FARP2: variants seen among roughly 807,000 people sequenced by gnomAD.
FARP2 encodes FERM, ARHGEF and pleckstrin domain-containing protein 2.
Under a neutral mutation model 130.5 loss-of-function variants are expected in FARP2, and 111 were observed. That is an observed-to-expected ratio of 0.85 (90% CI 0.73 to 1.00). The LOEUF (loss-of-function observed/expected upper bound fraction) is 1.00. Ranked by LOEUF, FARP2 falls within the 50% of genes least tolerant of loss-of-function variation. The probability of loss-of-function intolerance (pLI) is 0.00; values close to 1 mark genes in which losing one functional copy is unlikely to be tolerated. For synonymous variants in FARP2, 504 were observed against 516.9 expected, an observed-to-expected ratio of 0.98 and a Z score of 0.34; for missense variants, 1,385 against 1,346.3, an observed-to-expected ratio of 1.03 and a Z score of -0.45.
chr2:241,423,634 G>A (rs557449087), intron 8 of FARP2, among the ~76,000 whole-genome samples: 2 of 152,282 alleles, frequency 1.3e-5, no homozygotes, highest in East Asian at 3.9e-4. Context: ...ATGTAAATGG[G>A]CTAAATGCCC....
rs760909003 is a variant in FARP2, at chr2:241,463,898, G to A, written c.1812-1G>A. The stretch of plus-strand genomic sequence containing the variant: ...GGATGACTTTGTTTCTTTTTACTCA[G>A]GGAAGGGCCCTCCAAAGCCCACACA... On this transcript the variant is annotated splice_acceptor_variant, in intron 16 of 26. Transcript: ENST00000264042. LOFTEE classifies it high-confidence loss of function. The A allele has an allele frequency of 6.2e-6, 10 of 1,613,448 alleles. No individual in the cohort carries two copies. The highest frequency in any genetic ancestry group is 1.1e-5 in the South Asian group (1 of 91,020).
At chr2:241,395,779 A>T (rs2062015641) in intron 2 of FARP2, 1 of 152,194 alleles carries the variant, frequency 6.6e-6, no homozygotes, top group Admixed American at 6.5e-5. Flanking sequence ...CTCTCCTGAC[A>T]GTTGTTTTTT....
intron 5 of FARP2, among the ~76,000 whole-genome samples, chr2:241,410,578 G>A (rs905084175): frequency 1.1e-4 from 16 of 151,984 alleles, no homozygotes; most frequent in African/African-American, 3.9e-4. Context: ...TTACAGGTGT[G>A]CACACCACGC....
chr2:241,404,341 T>C (rs1478780123), intron 3 of FARP2, among the ~76,000 whole-genome samples: 2 of 152,238 alleles, frequency 1.3e-5, no homozygotes, highest in Admixed American at 1.3e-4. Flanking sequence ...TCAAAAAGCA[T>C]GTCAGCGTTA....
intron 2 of FARP2, among the ~76,000 whole-genome samples, chr2:241,381,230 G>A (rs1450672101): frequency 6.6e-6 from 1 of 152,038 alleles, no homozygotes; most frequent in Non-Finnish European, 1.5e-5. Flanking sequence ...TGTTCTGATT[G>A]CCACCGCCAG....
At chr2:241,451,550 G>A (rs1466594897) in intron 13 of FARP2, among the ~76,000 whole-genome samples, 3 of 152,158 alleles carry the variant, frequency 2.0e-5, no homozygotes, top group Non-Finnish European at 2.9e-5. Context: ...CCTCCTATGA[G>A]TTGTATATGA....
chr2:241,470,042 C>T (rs1162075161), intron 18 of FARP2, among the ~76,000 whole-genome samples: 1 of 152,202 alleles, frequency 6.6e-6, no homozygotes, highest in East Asian at 1.9e-4. Flanking sequence ...CTATGGCAGG[C>T]TCCTTTCCCT....
Position 241,461,674 on chromosome 2 carries a change from G to A in FARP2, c.1588-849G>A, listed in dbSNP as rs758365654. 6.6e-5 allele frequency among the ~76,000 whole-genome samples: 10 copies of A among 152,200 alleles called. No homozygotes were observed. The South Asian group carries it at 1.2e-3, about 19-fold the overall frequency. ...GGGGGCAGTGTCCAGGCGCCTATTC[G>A]GAGCTGACACCTGCTCCATGGATAT... On this transcript the variant is annotated intron_variant, in intron 14 of 26. Coordinates refer to ENST00000264042, the MANE Select transcript of FARP2 (RefSeq NM_014808.4).
chr2:241,383,331 G>A (rs1402571353), intron 2 of FARP2, among the ~76,000 whole-genome samples: 2 of 152,224 alleles, frequency 1.3e-5, no homozygotes, highest in South Asian at 2.1e-4. Flanking sequence ...ATGGAGCTGC[G>A]CTCAGATGGA....
At chr2:241,428,818 C>T (rs2063023015) in intron 8 of FARP2, among the ~76,000 whole-genome samples, 1 of 152,192 alleles carries the variant, frequency 6.6e-6, no homozygotes, top group African/African-American at 2.4e-5. Context: ...CCAGCAACCA[C>T]TGGTATCCAG....
intron 9 of FARP2, among the ~76,000 whole-genome samples, chr2:241,433,905 A>G (rs1290358033): frequency 6.6e-6 from 1 of 152,156 alleles, no homozygotes; most frequent in Non-Finnish European, 1.5e-5. Context: ...GTGAGCCTGT[A>G]GTCCCTACTG....
chr2:241,465,311 T>G (rs960913978), intron 17 of FARP2: 10 of 677,978 alleles, frequency 1.5e-5, no homozygotes, highest in Non-Finnish European at 2.6e-5. Context: ...CAGAACAGAG[T>G]CTTCCTCAGA....
intron 2 of FARP2, among the ~76,000 whole-genome samples, chr2:241,374,595 CAG>C (rs1404397735): frequency 2.0e-5 from 3 of 152,106 alleles, no homozygotes; most frequent in African/African-American, 7.2e-5. Flanking sequence ...AGAGGGAACA[CAG>C]AGGAGGGGAG....
chr2:241,368,304 G>C (rs552382385), intron 1 of FARP2, among the ~76,000 whole-genome samples: 1 of 152,040 alleles, frequency 6.6e-6, no homozygotes, highest in Non-Finnish European at 1.5e-5. Flanking sequence ...ACAGATTCTT[G>C]GTTGTTTACT....
intron 2 of FARP2, among the ~76,000 whole-genome samples, chr2:241,375,763 C>CT (rs998525284): frequency 9.6e-5 from 14 of 145,884 alleles, no homozygotes; most frequent in East Asian, 2.0e-4. Flanking sequence ...GGATGGGGTA[C>CT]TTTTTTTTTT....
intron 8 of FARP2, 104 bp downstream of exon 8, chr2:241,418,213 G>A: frequency 8.1e-7 from 1 of 1,228,604 alleles, no homozygotes; most frequent in Non-Finnish European, 1.2e-6. Flanking sequence ...GTCCTGATGA[G>A]TACGGGCCTC....
Position 241,468,334 on chromosome 2 carries a change from C to G in FARP2, c.2088C>G (p.Cys696Trp). ...ACCGCCTGCTGCTGCGCCGCCTATG[C>G]GGACATTACAGCCCCGGGCACCATG... ...LHYRLLLRRL[C>W]GHYSPGHHDY... The change falls in exon 18 of 27, where the codon TGC (cysteine) becomes TGG (tryptophan). Residue 696 changes from cysteine to tryptophan, a missense_variant. By Grantham distance (215) the Cys-to-Trp change is radical. Transcript: ENST00000264042. 19 of 1,613,440 alleles carry G rather than the reference C, an allele frequency of 1.2e-5. No individual in the cohort carries two copies. Among genetic ancestry groups the G allele is most frequent in the Non-Finnish European group, 1.5e-5 (18 of 1,179,980 alleles).
intron 4 of FARP2, chr2:241,405,386 A>T (rs1442783444): frequency 1.3e-5 from 2 of 152,130 alleles, no homozygotes; most frequent in Non-Finnish European, 2.9e-5. Context: ...TCTACTTATT[A>T]AATTTTTTAA....
At chr2:241,480,157 T>A (rs1167360225) in intron 19 of FARP2, among the ~76,000 whole-genome samples, 1 of 152,212 alleles carries the variant, frequency 6.6e-6, no homozygotes, top group Non-Finnish European at 1.5e-5. Context: ...CAAGGGGCAC[T>A]GTGCAGACTG....
Sources: allele counts gnomAD v4.1 joint callset (sites outside exome capture counted in the v4.1 genomes callset), GRCh38; gene constraint gnomAD v4.1.1; transcripts MANE v1.5; gene names NCBI Gene and HGNC (gene_info 2026-07-23, HGNC 2026-07-21).